Variants in FIG4 observed in about 807,000 individuals in gnomAD.
FIG4 encodes the protein FIG4 phosphoinositide 5-phosphatase.
Under a neutral mutation model 118.6 loss-of-function variants are expected in FIG4, and 112 were observed. That is an observed-to-expected ratio of 0.94 (90% confidence interval 0.81 to 1.11). The LOEUF is 1.11. Ranked by LOEUF, FIG4 falls within the 50% of genes least tolerant of loss-of-function variation. The pLI is 0.00. For missense variants in FIG4, 969 were observed against 1,111.7 expected (o/e 0.87, Z 1.83); for synonymous variants, 369 against 381.2 (o/e 0.97, Z 0.37).
In FIG4 at chr6:109,819,370, T is replaced by A. The variant is rs536642508; in HGVS notation, c.2547-5718T>A. Reference sequence around the variant, plus strand: ...TTGTCCATGAAGCCCAAGGCCCAAATCAGTTTCAGTTGGGTCACATTTTGC... The same window carrying A: ...TTGTCCATGAAGCCCAAGGCCCAAAACAGTTTCAGTTGGGTCACATTTTGC... On this transcript the variant is annotated intron_variant, in intron 22 of 22. Coordinates refer to ENST00000230124, the MANE Select transcript of FIG4 (RefSeq NM_014845.6). 1.6e-4 allele frequency among the ~76,000 whole-genome samples: 25 copies of A among 152,288 alleles called. No individual in the cohort carries two copies. The East Asian group carries it at 4.8e-3, about 29-fold the overall frequency.
At chr6:109,726,495 T>G (rs1230995773) in intron 3 of FIG4, among the ~76,000 whole-genome samples, 1 of 152,198 alleles carries the variant, frequency 6.6e-6, no homozygotes. Flanking sequence ...CTGTTTTGGT[T>G]ACTGTAGCCT....
chr6:109,715,243 C>T, intron 2 of FIG4, 67 bp downstream of exon 2: 1 of 785,430 alleles, frequency 1.3e-6, no homozygotes, highest in Non-Finnish European at 2.2e-6. Flanking sequence ...CATGAAATAT[C>T]CTTACAGTTT....
At chr6:109,737,977 T>G (rs938804535) in intron 6 of FIG4, among the ~76,000 whole-genome samples, 1 of 152,172 alleles carries the variant, frequency 6.6e-6, no homozygotes, top group Non-Finnish European at 1.5e-5. Flanking sequence ...CATAGCCCTG[T>G]GCTCAACCGC....
chr6:109,765,221 A>G, intron 14 of FIG4, 60 bp downstream of exon 14: 2 of 1,440,912 alleles, frequency 1.4e-6, no homozygotes, highest in Admixed American at 3.4e-5. Flanking sequence ...CCTGGTTACT[A>G]ATAAGATTTT....
At chr6:109,825,028 C>G in intron 22 of FIG4, 60 bp from the exon 23 acceptor site, 1 of 1,508,916 alleles carries the variant, frequency 6.6e-7, no homozygotes, top group Non-Finnish European at 9.2e-7. Context: ...TGAGACTGCT[C>G]CCTGTGGTCC....
At chr6:109,784,217 C>A (rs953187225) in intron 16 of FIG4, among the ~76,000 whole-genome samples, 4 of 152,058 alleles carry the variant, frequency 2.6e-5, no homozygotes, top group African/African-American at 7.2e-5. Flanking sequence ...TCCTTTTCCT[C>A]TAAATATTCA....
chr6:109,702,511 C>T (rs1418579822), intron 1 of FIG4, among the ~76,000 whole-genome samples: 1 of 152,118 alleles, frequency 6.6e-6, no homozygotes, highest in Non-Finnish European at 1.5e-5. Context: ...CCTGCCAAAT[C>T]CCAAGCCCCA....
In FIG4 at chr6:109,727,108, G is replaced by C. The variant is rs374999598; in HGVS notation, c.290-1G>C. The C allele has an allele frequency of 6.2e-7, 1 of 1,607,146 alleles. No homozygotes were observed. The highest frequency in any genetic ancestry group is 1.3e-5 in the African/African-American group (1 of 74,760). On this transcript the variant is annotated splice_acceptor_variant, in intron 3 of 22. Transcript: ENST00000230124. LOFTEE classifies it high-confidence loss of function. ...ATTTCTCTTTATTTTTTGTTGCATAGGTTTTGTCAGGTTCTTAGAAGGCTA... is the reference window on the plus strand; with the variant it reads ...ATTTCTCTTTATTTTTTGTTGCATACGTTTTGTCAGGTTCTTAGAAGGCTA...
In FIG4 at chr6:109,741,516, G is replaced by A. The variant is rs1562655830; in HGVS notation, c.848G>A (p.Arg283His). The change falls in exon 8 of 23, where the codon CGT becomes CAT. Residue 283 changes from arginine to histidine, a missense_variant. Physicochemically the swap from Arg to His is conservative, Grantham distance 29 (BLOSUM62 0). Around this residue, in one of 3 missense-constraint regions of FIG4, gnomAD observed 393 missense variants for 409.4 expected, o/e 0.96. Transcript: ENST00000230124. The stretch of plus-strand genomic sequence containing the variant: ...AGATCCAGTAAATTTGCTGGCACCC[G>A]TTTTCTTAAAAGAGGTGCAAACTGT... ...ARRSSKFAGTRFLKRGANCEG... is the reference protein window; with the variant it reads ...ARRSSKFAGTHFLKRGANCEG... 1.2e-6 allele frequency: 2 copies of A among 1,612,052 alleles called. No homozygotes were observed. Among genetic ancestry groups the A allele is most frequent in the East Asian group, 2.2e-5 (1 of 44,816 alleles).
intron 22 of FIG4, among the ~76,000 whole-genome samples, chr6:109,813,353 C>T (rs916084646): frequency 6.6e-6 from 1 of 152,176 alleles, no homozygotes; most frequent in African/African-American, 2.4e-5. Context: ...CCTCAGTACA[C>T]TGCAACTTTC....
intron 11 of FIG4, 55 bp downstream of exon 11, chr6:109,760,438 A>G (rs756894968): frequency 8.0e-6 from 12 of 1,502,180 alleles, no homozygotes; most frequent in African/African-American, 1.4e-5. Context: ...GTGATGAGAA[A>G]TAACAGGAAG....
chr6:109,792,242 G>A (rs960513193), intron 20 of FIG4, among the ~76,000 whole-genome samples: 1 of 152,200 alleles, frequency 6.6e-6, no homozygotes, highest in African/African-American at 2.4e-5. Flanking sequence ...CACTATAACA[G>A]CAGAGCTGAG....
intron 10 of FIG4, among the ~76,000 whole-genome samples, chr6:109,752,112 GT>G (rs937491294): frequency 6.0e-5 from 9 of 150,670 alleles, no homozygotes; most frequent in Admixed American, 2.6e-4. Context: ...TCTTGCGATA[GT>G]TTACTGAGAA....
rs10523453 is a variant in FIG4 at position 109,822,787 on chromosome 6, G to GTATATATATATATATA, written c.2547-2275_2547-2260dup. Among the ~76,000 whole-genome samples, 7 of 120,428 alleles carry GTATATATATATATATA rather than the reference G, an allele frequency of 5.8e-5. 1 individual carries two copies. The highest frequency in any genetic ancestry group is 1.3e-4 in the African/African-American group (4 of 31,342). The allele number at this position is 120,428 out of a possible 152,430, so 79.0% of individuals were successfully genotyped here. On this transcript the variant is annotated intron_variant, in intron 22 of 22. Transcript: ENST00000230124. ...TGTATATATATGTGTGTGTGTGTAT[G>GTATATATATATATATA]TATATATATATATATATATATATAT...
chr6:109,738,562 C>T, intron 7 of FIG4, 109 bp downstream of exon 7: 2 of 1,070,814 alleles, frequency 1.9e-6, no homozygotes, highest in Non-Finnish European at 2.9e-6. Context: ...CTGTGCACCC[C>T]AACAGGAAAA....
At chr6:109,819,724 C>T (rs1300811245) in intron 22 of FIG4, among the ~76,000 whole-genome samples, 2 of 152,156 alleles carry the variant, frequency 1.3e-5, no homozygotes, top group Non-Finnish European at 2.9e-5. Flanking sequence ...CTGCCTCAGC[C>T]TCTTAAAGTG....
At chr6:109,698,500 T>A (rs909633981) in intron 1 of FIG4, among the ~76,000 whole-genome samples, 19 of 152,240 alleles carry the variant, frequency 1.2e-4, no homozygotes, top group African/African-American at 1.9e-4. Flanking sequence ...TATTTCTTTC[T>A]CTTGACCTAT....
rs563133300 is a variant in FIG4, at chr6:109,756,412, G to A, written c.1138-3838G>A. ...ACTTTGGTGAATCTGACAATTATGTGTCTTGGAGTTGCTCTTCTCGAGGAG... is the reference window on the plus strand; with the variant it reads ...ACTTTGGTGAATCTGACAATTATGTATCTTGGAGTTGCTCTTCTCGAGGAG... On this transcript the variant is annotated intron_variant, in intron 10 of 22. Coordinates refer to ENST00000230124, the MANE Select transcript of FIG4 (RefSeq NM_014845.6). Among the ~76,000 whole-genome samples the A allele has an allele frequency of 1.2e-3, 176 of 151,798 alleles. 2 individuals are homozygous for A. Among genetic ancestry groups the A allele is most frequent in the Middle Eastern group, 3.4e-3 (1 of 294 alleles).
At position 109,741,425 on chromosome 6, in the gene FIG4, C is replaced by T; in HGVS notation, c.776-19C>T. On this transcript the variant is annotated intron_variant, in intron 7 of 22. Coordinates refer to ENST00000230124, the MANE Select transcript of FIG4 (RefSeq NM_014845.6). Reference sequence around the variant, plus strand: ...TGTGACAGTCATGAATGCTAAACAACCTTAACTTGATTTCCAAGAGCTGTT... The same window carrying T: ...TGTGACAGTCATGAATGCTAAACAATCTTAACTTGATTTCCAAGAGCTGTT... 1 of 1,509,056 alleles carries T rather than the reference C, an allele frequency of 6.6e-7. No individual in the cohort carries two copies. The highest frequency in any genetic ancestry group is 2.3e-5 in the East Asian group (1 of 44,378). 93.5% of individuals were successfully genotyped at this position (1,509,056 alleles called of 1,614,324 possible).
Sources: allele counts gnomAD v4.1 joint callset (sites outside exome capture counted in the v4.1 genomes callset), GRCh38; gene constraint gnomAD v4.1.1; regional missense constraint gnomAD v4.1.1; transcripts MANE v1.5; gene names NCBI Gene and HGNC (gene_info 2026-07-23, HGNC 2026-07-21).